BHMT2: variants seen among roughly 807,000 people sequenced by gnomAD.
BHMT2 encodes the protein betaine--homocysteine S-methyltransferase 2.
In BHMT2, 28 loss-of-function variants were observed where a neutral mutation model predicts 39.0. The ratio of observed to expected loss-of-function variants is 0.72; its 90% CI spans 0.53 to 0.98. The LOEUF (loss-of-function observed/expected upper bound fraction) is 0.98, where lower values mean the gene tolerates loss of function less well. Among genes scored for constraint, BHMT2 ranks in the 50% least tolerant of loss-of-function variants. The pLI is 0.00. For synonymous variants in BHMT2, 145 were observed against 160.6 expected, an observed-to-expected ratio of 0.90 and a Z score of 0.74; for missense variants, 410 against 455.6, an observed-to-expected ratio of 0.90 and a Z score of 0.91.
chr5:79,069,959 CCT>C (rs1248847767), intron 1 of BHMT2, 144 bp downstream of exon 1: 8 of 916,912 alleles, frequency 8.7e-6, no homozygotes, highest in South Asian at 4.7e-5. Context: ...TCAATTTTCC[CCT>C]GTCACGGGTT....
Position 79,084,623 on chromosome 5 carries a change from C to T in BHMT2, c.1010+767C>T, listed in dbSNP as rs193025746. On this transcript the variant is annotated intron_variant, in intron 7 of 7. Transcript: ENST00000255192. ...CCAATCACCTCCCAGTGGCTCCACC[C>T]CCTAATATCATCACACTGGTGACTA... is the stretch of plus-strand genomic sequence containing the variant. 3.3e-3 allele frequency among the ~76,000 whole-genome samples: 506 copies of T among 152,218 alleles called. 1 individual carries two copies. Among genetic ancestry groups the T allele is most frequent in the African/African-American group, 0.012 (484 of 41,524 alleles).
Position 79,069,816 on chromosome 5 carries a change from G to C in BHMT2, c.33+1G>C. 1 of 1,432,406 alleles carries C rather than the reference G, an allele frequency of 7.0e-7. No individual in the cohort carries two copies. The highest frequency in any genetic ancestry group is 9.2e-7 in the Non-Finnish European group (1 of 1,086,074). The allele number at this position is 1,432,406 out of a possible 1,614,324, so 88.7% of individuals were successfully genotyped here. A position where few individuals can be genotyped will look rare whatever the true frequency, so the allele number is the denominator to read the frequency against. The stretch of plus-strand genomic sequence containing the variant: ...TGCTGGACGCCCGGGGGCCAAGAAG[G>C]TGAGTTTCGTCCCCTCGATCCTCGC... On this transcript the variant is annotated splice_donor_variant, in intron 1 of 7. Transcript: ENST00000255192. LOFTEE classifies it high-confidence loss of function.
chr5:79,082,598 A>C, intron 4 of BHMT2: 1 of 436,634 alleles, frequency 2.3e-6, no homozygotes, highest in Non-Finnish European at 3.9e-6. Flanking sequence ...CCCTGAATGA[A>C]AAACTATATG....
chr5:79,073,740 A>G (rs1755622795), intron 1 of BHMT2, among the ~76,000 whole-genome samples: 1 of 152,220 alleles, frequency 6.6e-6, no homozygotes, highest in Non-Finnish European at 1.5e-5. Flanking sequence ...TTTATGTTTA[A>G]CATAGTTCAC....
chr5:79,089,726 G>A lies in BHMT2; in HGVS notation c.*1152G>A, dbSNP rs908795654. Among the ~76,000 whole-genome samples the A allele has an allele frequency of 2.0e-5, 3 of 152,190 alleles. No homozygotes were observed. The highest frequency in any genetic ancestry group is 4.4e-5 in the Non-Finnish European group (3 of 68,030). On this transcript the variant is annotated 3_prime_UTR_variant, in exon 8 of 8. Coordinates refer to ENST00000255192, the MANE Select transcript of BHMT2 (RefSeq NM_017614.5). ...TGACACCTATAATCCCAGCACTTTGGGAGGCCAGGGCGGGCAGATCACTTG... is the reference window on the plus strand; with the variant it reads ...TGACACCTATAATCCCAGCACTTTGAGAGGCCAGGGCGGGCAGATCACTTG...
At chr5:79,088,399 G>GTGTGTGTGTGT in intron 7 of BHMT2, 94 bp from the exon 8 acceptor site, 10 of 358,132 alleles carry the variant, frequency 2.8e-5, no homozygotes, top group East Asian at 6.3e-5. Flanking sequence ...TGTGTGTGTG[G>GTGTGTGTGTGT]TTATATACAT....
At position 79,069,952 on chromosome 5, in the gene BHMT2, A is replaced by G. The variant is rs563571335; in HGVS notation, c.33+137A>G. On this transcript the variant is annotated intron_variant, in intron 1 of 7. Transcript: ENST00000255192. ...TTGGACGGGATGGCCCTGAGCCTCA[A>G]TTTTCCCCTGTCACGGGTTGGTTAG... 7 of 957,452 alleles carry G rather than the reference A, an allele frequency of 7.3e-6. No homozygotes were observed. The East Asian group carries it at 1.7e-4, about 23-fold the overall frequency. The allele number at this position is 957,452 out of a possible 1,614,324, so 59.3% of individuals were successfully genotyped here.
At chr5:79,072,286 A>G (rs1755595256) in intron 1 of BHMT2, among the ~76,000 whole-genome samples, 1 of 152,086 alleles carries the variant, frequency 6.6e-6, no homozygotes, top group Non-Finnish European at 1.5e-5. Flanking sequence ...AAAGAAAGAA[A>G]AGAAAAGAAA....
At chr5:79,086,737 G>T (rs888405304) in intron 7 of BHMT2, among the ~76,000 whole-genome samples, 1 of 151,938 alleles carries the variant, frequency 6.6e-6, no homozygotes, top group Non-Finnish European at 1.5e-5. Context: ...GACTTTCTTT[G>T]TATAGCCTTT....
intron 1 of BHMT2, among the ~76,000 whole-genome samples, chr5:79,072,113 C>T (rs571830982): frequency 6.6e-6 from 1 of 151,974 alleles, no homozygotes; most frequent in South Asian, 2.1e-4. Context: ...CTAAAAAATA[C>T]AAAATTAGCT....
intron 3 of BHMT2, 93 bp from the exon 4 acceptor site, chr5:79,080,594 C>G: frequency 8.5e-7 from 1 of 1,171,180 alleles, no homozygotes; most frequent in South Asian, 1.6e-5. Flanking sequence ...GGCTTATACT[C>G]ATCTTACTTG....
At chr5:79,081,145 G>C (rs1580251428) in intron 4 of BHMT2, among the ~76,000 whole-genome samples, 1 of 152,132 alleles carries the variant, frequency 6.6e-6, no homozygotes, top group South Asian at 2.1e-4. Context: ...GCTGACTTGG[G>C]GGACTCTACA....
chr5:79,084,340 A>G (rs1394436231), intron 7 of BHMT2, among the ~76,000 whole-genome samples: 1 of 152,006 alleles, frequency 6.6e-6, no homozygotes, highest in Non-Finnish European at 1.5e-5. Context: ...GCAATGACAC[A>G]ATCTCGGTTC....
At position 79,089,798 on chromosome 5, in the gene BHMT2, T is replaced by A. The variant is rs891180926; in HGVS notation, c.*1224T>A. 6.6e-6 allele frequency among the ~76,000 whole-genome samples: 1 copy of A among 152,104 alleles called. No homozygotes were observed. Among genetic ancestry groups the A allele is most frequent in the African/African-American group, 2.4e-5 (1 of 41,418 alleles). ...CTGGCCAACATGGCAAAACCCCATC[T>A]CTACTAAATAAAATACAAAAATTAT... On this transcript the variant is annotated 3_prime_UTR_variant, in exon 8 of 8. Transcript: ENST00000255192.
chr5:79,088,368 G>A (rs1755946828), intron 7 of BHMT2, 125 bp from the exon 8 acceptor site: 2 of 557,472 alleles, frequency 3.6e-6, no homozygotes, highest in East Asian at 6.9e-5. Context: ...CTGTGTGTGT[G>A]TGTGTGTGTG....
rs78163046 is a variant in BHMT2 at position 79,076,841 on chromosome 5, A to G, written c.34-639A>G. Among the ~76,000 whole-genome samples, 1,065 of 152,350 alleles carry G rather than the reference A, an allele frequency of 7.0e-3. 10 individuals are homozygous for G. Among genetic ancestry groups the G allele is most frequent in the African/African-American group, 0.024 (994 of 41,584 alleles). On this transcript the variant is annotated intron_variant, in intron 1 of 7. Transcript: ENST00000255192. Reference sequence around the variant, plus strand: ...ATTTTTCTCACCTAACAAGAGGTCCAGGGGTAACAGCCCATGGCTGCCGCA... The same window carrying G: ...ATTTTTCTCACCTAACAAGAGGTCCGGGGGTAACAGCCCATGGCTGCCGCA...
chr5:79,074,131 C>T (rs1755629588), intron 1 of BHMT2, among the ~76,000 whole-genome samples: 1 of 152,122 alleles, frequency 6.6e-6, no homozygotes, highest in African/African-American at 2.4e-5. Flanking sequence ...CCCCAGCCGG[C>T]CAATTCAGTC....
At chr5:79,076,496 C>T (rs1482222324) in intron 1 of BHMT2, among the ~76,000 whole-genome samples, 6 of 152,108 alleles carry the variant, frequency 3.9e-5, no homozygotes, top group African/African-American at 1.2e-4. Context: ...GAAACTGCAC[C>T]CCATGGCTAA....
In BHMT2 at chr5:79,083,360, C is replaced by T. The variant is rs780709678; in HGVS notation, c.767C>T (p.Pro256Leu). 2.7e-5 allele frequency: 43 copies of T among 1,598,290 alleles called. No individual in the cohort carries two copies. In the South Asian group the frequency reaches 4.7e-4, roughly 17 times the overall value. ...DCGKEGFVDLPEYPFGLESRV... is the reference protein window; with the variant it reads ...DCGKEGFVDLLEYPFGLESRV... ...GGCAAAGAGGGGTTTGTGGATCTCC[C>T]AGAATATCCCTTTGGTAAGCTCAGG... Residue 256 changes from proline (P) to leucine (L), a missense_variant, in exon 6 of 8, where the codon CCA becomes CTA. By Grantham distance (98) the Pro-to-Leu change is moderately conservative. Transcript: ENST00000255192.
Sources: allele counts gnomAD v4.1 joint callset (sites outside exome capture counted in the v4.1 genomes callset), GRCh38; gene constraint gnomAD v4.1.1; transcripts MANE v1.5; gene names NCBI Gene and HGNC (gene_info 2026-07-23, HGNC 2026-07-21).